The following FAM20A variants were observed in gnomAD, a reference collection of about 807,000 sequenced individuals.
The protein encoded by FAM20A is FAM20A golgi associated secretory pathway pseudokinase, also known as pseudokinase FAM20A.
A neutral mutation model predicts 52.0 loss-of-function variants in FAM20A; 42 were observed. The ratio of observed to expected loss-of-function variants is 0.81; its 90% CI spans 0.63 to 1.04. FAM20A has a LOEUF of 1.04. Ranked by LOEUF, FAM20A falls within the 50% of genes least tolerant of loss-of-function variation. FAM20A has a pLI of 0.00. For missense variants in FAM20A, 742 were observed against 712.7 expected (o/e 1.04, Z -0.47); for synonymous variants, 304 against 298.9 (o/e 1.02, Z -0.18).
At chr17:68,575,835 A>AC (rs2087751548) in intron 1 of FAM20A, among the ~76,000 whole-genome samples, 1 of 50,626 alleles carries the variant, frequency 2.0e-5, no homozygotes. Flanking sequence ...CACACACATA[A>AC]TCAGCCATTG....
chr17:68,573,598 TTCTC>T (rs144136828), intron 1 of FAM20A, among the ~76,000 whole-genome samples: 33 of 150,962 alleles, frequency 2.2e-4, no homozygotes, highest in Non-Finnish European at 1.0e-4. Context: ...TTTCCTTTCT[TTCTC>T]TCTCTTTTCT....
chr17:68,593,308 G>C (rs2088363155), intron 1 of FAM20A, among the ~76,000 whole-genome samples: 1 of 152,200 alleles, frequency 6.6e-6, no homozygotes, highest in South Asian at 2.1e-4. Flanking sequence ...ACCTGCCAAG[G>C]GGGCAGAGCA....
intron 1 of FAM20A, among the ~76,000 whole-genome samples, chr17:68,571,833 G>A (rs76776645): frequency 0.019 from 2,927 of 151,226 alleles, 41 homozygotes; most frequent in Non-Finnish European, 0.031. Context: ...ACAAAATTAC[G>A]AATACAAAAC....
intron 1 of FAM20A, among the ~76,000 whole-genome samples, chr17:68,562,618 C>A (rs966610742): frequency 2.6e-5 from 4 of 151,952 alleles, no homozygotes; most frequent in Non-Finnish European, 5.9e-5. Flanking sequence ...CCATCCCCCC[C>A]CCTTTTTATT....
chr17:68,588,277 G>T (rs1159552062), intron 1 of FAM20A, among the ~76,000 whole-genome samples: 3 of 152,192 alleles, frequency 2.0e-5, no homozygotes, highest in Non-Finnish European at 4.4e-5. Context: ...AGAGAGGCTG[G>T]GGTCACTTCT....
intron 1 of FAM20A, among the ~76,000 whole-genome samples, chr17:68,591,641 C>T (rs956013572): frequency 1.3e-5 from 2 of 152,256 alleles, no homozygotes; most frequent in Admixed American, 1.3e-4. Context: ...CTAAAACAGC[C>T]TGAAGGCTGA....
chr17:68,560,215 T>G (rs2143739910), intron 1 of FAM20A, among the ~76,000 whole-genome samples: 2 of 152,148 alleles, frequency 1.3e-5, no homozygotes, highest in Middle Eastern at 3.4e-3. Context: ...TATGGTGACA[T>G]GCACCTGCAG....
intron 8 of FAM20A, 94 bp from the exon 9 acceptor site, chr17:68,540,060 C>G: frequency 9.3e-7 from 1 of 1,069,634 alleles, no homozygotes; most frequent in Non-Finnish European, 1.4e-6. Flanking sequence ...GGCCTGTCAT[C>G]ACTTGAGAGA....
At chr17:68,572,748 T>A (rs2087601395) in intron 1 of FAM20A, among the ~76,000 whole-genome samples, 1 of 152,200 alleles carries the variant, frequency 6.6e-6, no homozygotes, top group African/African-American at 2.4e-5. Context: ...ATTTATTTAT[T>A]TATTTATTTT....
At chr17:68,574,620 C>G (rs751363641) in intron 1 of FAM20A, among the ~76,000 whole-genome samples, 1 of 152,176 alleles carries the variant, frequency 6.6e-6, no homozygotes, top group Non-Finnish European at 1.5e-5. Context: ...TTCTGGGACT[C>G]AGTACTGGTA....
At chr17:68,574,721 G>A (rs1259552946) in intron 1 of FAM20A, among the ~76,000 whole-genome samples, 3 of 152,142 alleles carry the variant, frequency 2.0e-5, no homozygotes, top group Non-Finnish European at 4.4e-5. Context: ...TGCTTACCAA[G>A]GTGAAGTCAA....
At chr17:68,541,933 G>T in intron 7 of FAM20A, 52 bp downstream of exon 7, 1 of 1,574,442 alleles carries the variant, frequency 6.4e-7, no homozygotes, top group East Asian at 2.3e-5. Flanking sequence ...CCTGGTACAG[G>T]GTCTGTGGCT....
At position 68,541,681 on chromosome 17, in the gene FAM20A, G is replaced by C. The variant is rs78329080; in HGVS notation, c.1109+304C>G. The C allele has an allele frequency of 9.3e-4, 269 of 289,120 alleles. 1 individual carries two copies. Among genetic ancestry groups the C allele is most frequent in the African/African-American group, 5.3e-3 (247 of 46,772 alleles). 17.9% of individuals were successfully genotyped at this position (289,120 alleles called of 1,614,324 possible). A position where few individuals can be genotyped will look rare whatever the true frequency, so the allele number is the denominator to read the frequency against. ...AGCAAGTGCTGTGCTGTGTTTTCGT[G>C]ATCTGGCTACATGTCTGTTCTCCCC... On this transcript the variant is annotated intron_variant, in intron 7 of 10. Coordinates refer to ENST00000592554, the MANE Select transcript of FAM20A (RefSeq NM_017565.4).
At chr17:68,554,300 A>G (rs528826610) in intron 3 of FAM20A, among the ~76,000 whole-genome samples, 2 of 151,852 alleles carry the variant, frequency 1.3e-5, no homozygotes, top group African/African-American at 2.4e-5. Context: ...ACGGGTTTTC[A>G]CTGTTGGCCA....
chr17:68,558,140 A>G (rs1336430716), intron 1 of FAM20A, among the ~76,000 whole-genome samples: 1 of 152,156 alleles, frequency 6.6e-6, no homozygotes, highest in East Asian at 1.9e-4. Flanking sequence ...AAGTGGAAGG[A>G]CCAGAAAGCC....
chr17:68,537,624 G>A lies in FAM20A; in HGVS notation c.1479C>T (p.Pro493=). ...EDQLSPVLTE[P]HLLALDRRLQ... ...GCCTTCGATCCAGGGCAAGGAGGTG[G>A]GGTTCAGTGAGGACAGGGCTGAGCT... Residue 493 remains proline (P), a synonymous_variant, in exon 11 of 11, where the codon CCC becomes CCT. Transcript: ENST00000592554. The surrounding 1 kb of genome is among the most constrained non-coding windows in gnomAD (Gnocchi z 4.2). 1 of 1,613,730 alleles carries A rather than the reference G, an allele frequency of 6.2e-7. No individual in the cohort carries two copies. The highest frequency in any genetic ancestry group is 8.5e-7 in the Non-Finnish European group (1 of 1,179,864).
chr17:68,540,963 G>A lies in FAM20A; in HGVS notation c.1110-5C>T, dbSNP rs745871674. 6 of 1,578,224 alleles carry A rather than the reference G, an allele frequency of 3.8e-6. No homozygotes were observed. The highest frequency in any genetic ancestry group is 4.4e-4 in the Middle Eastern group (2 of 4,510). On this transcript the variant is annotated splice_region_variant and splice_polypyrimidine_tract_variant and intron_variant, in intron 7 of 10. Coordinates refer to ENST00000592554, the MANE Select transcript of FAM20A (RefSeq NM_017565.4). The stretch of plus-strand genomic sequence containing the variant: ...TAAAGGGGATTGACCTCCCACCTGA[G>A]GGGGAGAAGAAGTCCTGGGGCTGGA...
chr17:68,553,881 TACCTATATAC>T (rs2086953276), intron 3 of FAM20A, among the ~76,000 whole-genome samples: 2 of 149,146 alleles, frequency 1.3e-5, no homozygotes, highest in African/African-American at 4.9e-5. Flanking sequence ...CATGCATATA[TACCTATATAC>T]ACATATATGC....
chr17:68,567,857 G>T (rs1285734002), intron 1 of FAM20A, among the ~76,000 whole-genome samples: 2 of 151,904 alleles, frequency 1.3e-5, no homozygotes, highest in Non-Finnish European at 2.9e-5. Flanking sequence ...GATGGTTTTA[G>T]TGTGGCACTT....
Sources: allele counts gnomAD v4.1 joint callset (sites outside exome capture counted in the v4.1 genomes callset), GRCh38; gene constraint gnomAD v4.1.1; non-coding constraint Gnocchi (gnomAD v3.1); transcripts MANE v1.5; gene names NCBI Gene and HGNC (gene_info 2026-07-23, HGNC 2026-07-21).